SOX5: variants seen among roughly 807,000 people sequenced by gnomAD.
SOX5 encodes SRY-box transcription factor 5, also known as transcription factor SOX-5.
A neutral mutation model predicts 92.0 loss-of-function variants in SOX5; 9 were observed. The observed-to-expected ratio is 0.10, with a 90% CI of 0.06 to 0.17. The LOEUF (loss-of-function observed/expected upper bound fraction) is 0.17. SOX5 is among the 10% of genes least tolerant of loss of function. SOX5 has a pLI of 1.00. For missense variants in SOX5, 642 were observed against 944.5 expected, an observed-to-expected ratio of 0.68 and a Z score of 4.20; for synonymous variants, 344 against 336.3, an observed-to-expected ratio of 1.02 and a Z score of -0.25.
At chr12:24,003,753 A>T (rs1460669201) in intron 4 of SOX5, among the ~76,000 whole-genome samples, 1 of 143,776 alleles carries the variant, frequency 7.0e-6, no homozygotes, top group Admixed American at 7.3e-5. Flanking sequence ...CATACTCCCT[A>T]TAAAAATGCC....
chr12:24,335,985 A>ATATATATATATATATATATATC (rs1483273787), intron 2 of SOX5, among the ~76,000 whole-genome samples: 2 of 142,544 alleles, frequency 1.4e-5, no homozygotes, highest in Non-Finnish European at 3.1e-5. Context: ...ATATATATAT[A>ATATATATATATATATATATATC]TATCCATAAT....
chr12:24,193,738 A>T (rs1956746368), intron 4 of SOX5, among the ~76,000 whole-genome samples: 1 of 152,226 alleles, frequency 6.6e-6, no homozygotes, highest in Non-Finnish European at 1.5e-5. Flanking sequence ...ATTTTTCAAG[A>T]AACTGACTCA....
chr12:24,119,247 T>G (rs1398689289), intron 4 of SOX5, among the ~76,000 whole-genome samples: 1 of 152,096 alleles, frequency 6.6e-6, no homozygotes, highest in African/African-American at 2.4e-5. Flanking sequence ...GAATCTAAAA[T>G]TCCTTAATCT....
chr12:24,016,691 G>A (rs945894418), intron 4 of SOX5, among the ~76,000 whole-genome samples: 19 of 152,134 alleles, frequency 1.2e-4, no homozygotes, highest in African/African-American at 3.9e-4. Context: ...AGAGTTTGGC[G>A]TCCGCCTTTT....
intron 9 of SOX5, among the ~76,000 whole-genome samples, chr12:23,602,724 G>C (rs1592470551): frequency 6.6e-6 from 1 of 152,136 alleles, no homozygotes; most frequent in African/African-American, 2.4e-5. Context: ...CAATGACTAT[G>C]CTGCTACAGC....
intron 3 of SOX5, among the ~76,000 whole-genome samples, chr12:23,821,401 T>G (rs934664428): frequency 4.6e-5 from 7 of 152,214 alleles, no homozygotes; most frequent in Non-Finnish European, 8.8e-5. Context: ...CTCTTCCTAT[T>G]TGAATACGCT....
chr12:23,677,897 T>C (rs1332254142), intron 6 of SOX5, among the ~76,000 whole-genome samples: 1 of 152,156 alleles, frequency 6.6e-6, no homozygotes, highest in Non-Finnish European at 1.5e-5. Flanking sequence ...AATTCAACTA[T>C]ATTAGGGCCA....
At chr12:24,426,105 C>A (rs1462270865) in intron 1 of SOX5, among the ~76,000 whole-genome samples, 1 of 152,072 alleles carries the variant, frequency 6.6e-6, no homozygotes, top group African/African-American at 2.4e-5. Context: ...GAGGCCAAGG[C>A]GGGTGGATCA....
intron 4 of SOX5, among the ~76,000 whole-genome samples, chr12:24,068,745 T>TAC (rs1569532068): frequency 7.8e-5 from 6 of 76,876 alleles, no homozygotes; most frequent in African/African-American, 3.0e-4. Context: ...TATATATATA[T>TAC]ATACACACAC....
At chr12:24,313,589 A>AGGTCTT (rs1306674139) in intron 2 of SOX5, among the ~76,000 whole-genome samples, 1 of 152,174 alleles carries the variant, frequency 6.6e-6, no homozygotes, top group Non-Finnish European at 1.5e-5. Flanking sequence ...ACTTTGTTCA[A>AGGTCTT]GGTCTTGGTC....
intron 2 of SOX5, among the ~76,000 whole-genome samples, chr12:24,356,383 T>C (rs1954827678): frequency 6.6e-6 from 1 of 152,120 alleles, no homozygotes; most frequent in African/African-American, 2.4e-5. Flanking sequence ...TGCAAATGCT[T>C]TTCTGGTTTC....
intron 1 of SOX5, among the ~76,000 whole-genome samples, chr12:24,380,436 C>T (rs1957707907): frequency 6.6e-6 from 1 of 152,222 alleles, no homozygotes; most frequent in African/African-American, 2.4e-5. Context: ...TTGAATTTTA[C>T]TCCACTTGCG....
At chr12:23,613,632 T>C (rs2076223373) in intron 8 of SOX5, among the ~76,000 whole-genome samples, 1 of 152,180 alleles carries the variant, frequency 6.6e-6, no homozygotes, top group Non-Finnish European at 1.5e-5. Context: ...GATGGATGAA[T>C]GGATAAACAA....
chr12:24,398,372 T>G (rs933114747), intron 1 of SOX5, among the ~76,000 whole-genome samples: 1 of 152,078 alleles, frequency 6.6e-6, no homozygotes, highest in Non-Finnish European at 1.5e-5. Flanking sequence ...CCAGGTGTGG[T>G]GTGTGCCTGT....
At chr12:24,159,063 G>C (rs1952490984) in intron 4 of SOX5, among the ~76,000 whole-genome samples, 1 of 151,818 alleles carries the variant, frequency 6.6e-6, no homozygotes, top group African/African-American at 2.4e-5. Context: ...ATGTGTGTTG[G>C]CATGAAATGA....
chr12:24,511,397 T>A (rs1223050937), intron 1 of SOX5, among the ~76,000 whole-genome samples: 1 of 152,254 alleles, frequency 6.6e-6, no homozygotes, highest in East Asian at 1.9e-4. Flanking sequence ...TATGTCCATT[T>A]ATATGGCATT....
intron 1 of SOX5, among the ~76,000 whole-genome samples, chr12:24,427,905 C>T (rs1465104130): frequency 6.6e-6 from 1 of 152,110 alleles, no homozygotes; most frequent in South Asian, 2.1e-4. Flanking sequence ...TGCCCTTATA[C>T]CCCCATTCAG....
At chr12:24,357,904 A>G (rs534726330) in intron 2 of SOX5, among the ~76,000 whole-genome samples, 26 of 152,130 alleles carry the variant, frequency 1.7e-4, no homozygotes, top group Admixed American at 9.8e-4. Flanking sequence ...CAGTTTAGCC[A>G]AAACACCAAA....
chr12:23,727,060 A>T (rs890473806), intron 6 of SOX5, among the ~76,000 whole-genome samples: 7 of 152,152 alleles, frequency 4.6e-5, no homozygotes, highest in Non-Finnish European at 1.0e-4. Flanking sequence ...AAAATAATAA[A>T]GAAATTTGAG....
Sources: allele counts gnomAD v4.1 joint callset (sites outside exome capture counted in the v4.1 genomes callset), GRCh38; gene constraint gnomAD v4.1.1; transcripts MANE v1.5; gene names NCBI Gene and HGNC (gene_info 2026-07-23, HGNC 2026-07-21).